MYO16: variants seen among roughly 807,000 people sequenced by gnomAD.
The protein encoded by MYO16 is unconventional myosin-XVI.
A neutral mutation model predicts 205.3 loss-of-function variants in MYO16; 94 were observed. The ratio of observed to expected loss-of-function variants is 0.46; its 90% CI spans 0.39 to 0.54. The LOEUF (loss-of-function observed/expected upper bound fraction) is 0.54, where lower values mean the gene tolerates loss of function less well. Among genes scored for constraint, MYO16 ranks in the 20% least tolerant of loss-of-function variants. MYO16 has a pLI of 0.00. For missense variants in MYO16, 2,315 were observed against 2,387.5 expected (o/e 0.97, Z 0.63); for synonymous variants, 988 against 954.0 (o/e 1.04, Z -0.66).
At chr13:108,846,465 TA>T (rs1566366128) in intron 10 of MYO16, among the ~76,000 whole-genome samples, 1 of 151,116 alleles carries the variant, frequency 6.6e-6, no homozygotes, top group African/African-American at 2.4e-5. Context: ...AATATCATTA[TA>T]TATATATACA....
intron 12 of MYO16, among the ~76,000 whole-genome samples, chr13:108,872,264 T>G (rs1879106562): frequency 6.6e-6 from 1 of 152,176 alleles, no homozygotes. Context: ...AAAAAATGAC[T>G]CTTATTTGGA....
intron 4 of MYO16, among the ~76,000 whole-genome samples, chr13:108,777,819 T>C (rs1016543059): frequency 6.6e-6 from 1 of 152,228 alleles, no homozygotes; most frequent in Non-Finnish European, 1.5e-5. Flanking sequence ...TATGTAGGTA[T>C]GTTAACATTT....
intron 4 of MYO16, among the ~76,000 whole-genome samples, chr13:108,742,086 G>T (rs1884928644): frequency 6.6e-6 from 1 of 152,124 alleles, no homozygotes; most frequent in Non-Finnish European, 1.5e-5. Context: ...TCCGTCCCCA[G>T]GGTACAAGCA....
chr13:108,880,975 C>T (rs898093093), intron 12 of MYO16, among the ~76,000 whole-genome samples: 3 of 152,098 alleles, frequency 2.0e-5, no homozygotes, highest in East Asian at 1.9e-4. Context: ...GATCTGAGAA[C>T]GGACAGACTG....
At chr13:108,828,229 G>T (rs1210876771) in intron 9 of MYO16, among the ~76,000 whole-genome samples, 1 of 152,122 alleles carries the variant, frequency 6.6e-6, no homozygotes, top group African/African-American at 2.4e-5. Context: ...TTTCAGCGAG[G>T]AGGTCATTTT....
At chr13:108,553,544 C>T in the MYO16 span, among the ~76,000 whole-genome samples, 1 of 152,232 alleles carries the variant, frequency 6.6e-6, no homozygotes, top group East Asian at 1.9e-4. Context: ...TCATGTTTAC[C>T]ATTTCATTCT....
intron 10 of MYO16, among the ~76,000 whole-genome samples, chr13:108,854,702 A>G (rs1244563351): frequency 6.6e-6 from 1 of 152,128 alleles, no homozygotes; most frequent in Non-Finnish European, 1.5e-5. Context: ...TCAAATGACT[A>G]CTTTTCTGAG....
chr13:109,077,113 G>A (rs1358453079), intron 27 of MYO16, among the ~76,000 whole-genome samples: 3 of 151,326 alleles, frequency 2.0e-5, no homozygotes, highest in African/African-American at 7.3e-5. Context: ...TCCATCTCCT[G>A]GGTGCAAATG....
At position 109,019,910 on chromosome 13, in the gene MYO16, G is replaced by A; in HGVS notation, c.2795G>A (p.Arg932Lys). 6.2e-7 allele frequency: 1 copy of A among 1,613,962 alleles called. No individual in the cohort carries two copies. Among genetic ancestry groups the A allele is most frequent in the Non-Finnish European group, 8.5e-7 (1 of 1,179,944 alleles). ...TTCACCATCATGCACTACGCAGGAA[G>A]GGTAAGTGGCCAGAACTGCATAATT... is the stretch of plus-strand genomic sequence containing the variant. ...TAFTIMHYAG[R>K]VMYDVVGAIE... Residue 932 changes from arginine to lysine, a missense_variant and splice_region_variant, in exon 23 of 35, where the codon AGG (arginine) becomes AAG (lysine). Physicochemically the swap from Arg to Lys is conservative, Grantham distance 26. Around this residue, in one of 3 missense-constraint regions of MYO16, gnomAD observed 1,213 missense variants for 1,274.4 expected, o/e 0.95. Transcript: ENST00000457511.
intron 34 of MYO16, among the ~76,000 whole-genome samples, chr13:109,198,701 C>T (rs1282391805): frequency 6.6e-6 from 1 of 152,148 alleles, no homozygotes; most frequent in Admixed American, 6.6e-5. Flanking sequence ...ACTGTAACAG[C>T]TCATATTTAA....
intron 4 of MYO16, among the ~76,000 whole-genome samples, chr13:108,782,088 G>A (rs1352028318): frequency 6.6e-6 from 1 of 152,182 alleles, no homozygotes; most frequent in Non-Finnish European, 1.5e-5. Context: ...TTTGGAACTG[G>A]GTAACAGGCA....
At chr13:108,901,062 C>T (rs995446971) in intron 15 of MYO16, among the ~76,000 whole-genome samples, 2 of 152,100 alleles carry the variant, frequency 1.3e-5, no homozygotes, top group Admixed American at 6.5e-5. Flanking sequence ...AGGAAATTCC[C>T]GCCTAATAAA....
chr13:108,861,421 C>T (rs1211594234), intron 11 of MYO16, among the ~76,000 whole-genome samples: 2 of 152,180 alleles, frequency 1.3e-5, no homozygotes, highest in East Asian at 3.8e-4. Context: ...CCACTCTATA[C>T]TTGAGGAAAC....
At position 108,785,709 on chromosome 13, in the gene MYO16, C is replaced by G. The variant is rs749079311; in HGVS notation, c.582C>G (p.Ser194=). 1.9e-6 allele frequency: 3 copies of G among 1,612,452 alleles called. No individual in the cohort carries two copies. Among genetic ancestry groups the G allele is most frequent in the Non-Finnish European group, 8.5e-7 (1 of 1,179,246 alleles). Residue 194 remains serine (S), a synonymous_variant, in exon 5 of 35, where the codon TCC becomes TCG. Transcript: ENST00000457511. ...PLDYAVEGTE[S]SSILLTYLDE... ...ATTATGCTGTAGAAGGGACAGAATC[C>G]AGCTCTATCCTGTTGACCTATCTGG...
chr13:109,097,870 T>C (rs988095953), intron 27 of MYO16, among the ~76,000 whole-genome samples: 5 of 152,210 alleles, frequency 3.3e-5, no homozygotes, highest in Non-Finnish European at 7.4e-5. Context: ...GGTTTTTGGC[T>C]AGCAAGATGA....
At position 109,076,614 on chromosome 13, in the gene MYO16, C is replaced by T. The variant is rs970020427; in HGVS notation, c.3335+21019C>T. Among the ~76,000 whole-genome samples the T allele has an allele frequency of 2.6e-5, 4 of 152,122 alleles. No individual in the cohort carries two copies. In the East Asian group the frequency reaches 5.8e-4, roughly 22 times the overall value. On this transcript the variant is annotated intron_variant, in intron 27 of 34. Transcript: ENST00000457511. ...TCTTCCATGCTCCATCTCAAGAAAT[C>T]CCATAGCAGAGGGCCCAGAGACACC...
chr13:108,770,682 T>A (rs1275004046), intron 4 of MYO16, among the ~76,000 whole-genome samples: 1 of 152,210 alleles, frequency 6.6e-6, no homozygotes, highest in Non-Finnish European at 1.5e-5. Context: ...CACTTACAGT[T>A]ATTTCCTAAG....
the MYO16 span, among the ~76,000 whole-genome samples, chr13:108,525,675 T>C: frequency 1.3e-5 from 2 of 152,230 alleles, no homozygotes; most frequent in Non-Finnish European, 2.9e-5. Flanking sequence ...GACTGAACTC[T>C]TTGTGGACAC....
upstream of MYO16, among the ~76,000 whole-genome samples, chr13:108,594,295 C>T (rs951189683): frequency 6.6e-6 from 1 of 152,182 alleles, no homozygotes; most frequent in Non-Finnish European, 1.5e-5. Context: ...CCTGTAAGTC[C>T]CTCTTGCTGA....
Sources: allele counts gnomAD v4.1 joint callset (sites outside exome capture counted in the v4.1 genomes callset), GRCh38; gene constraint gnomAD v4.1.1; regional missense constraint gnomAD v4.1.1; transcripts MANE v1.5; gene names NCBI Gene and HGNC (gene_info 2026-07-23, HGNC 2026-07-21).